Variants in CNBD1 observed in about 807,000 individuals in gnomAD.
CNBD1 encodes cyclic nucleotide binding domain containing 1.
A neutral mutation model predicts 54.4 loss-of-function variants in CNBD1; 71 were observed. The observed-to-expected ratio is 1.30, with a 90% CI of 1.08 to 1.59. The LOEUF (loss-of-function observed/expected upper bound fraction) is 1.59, where lower values mean the gene tolerates loss of function less well. Among genes scored for constraint, CNBD1 ranks in the 40% most tolerant of loss-of-function variants. The probability of loss-of-function intolerance (pLI) is 0.00; values close to 1 mark genes in which losing one functional copy is unlikely to be tolerated. For missense variants in CNBD1, 659 were observed against 518.0 expected (o/e 1.27, Z -2.64); for synonymous variants, 182 against 170.7 (o/e 1.07, Z -0.51).
At chr8:87,030,593 AT>A (rs1003843279) in intron 4 of CNBD1, among the ~76,000 whole-genome samples, 1 of 152,052 alleles carries the variant, frequency 6.6e-6, no homozygotes, top group Non-Finnish European at 1.5e-5. Flanking sequence ...ATCTTCTAAA[AT>A]TTTTTTAAAT....
chr8:87,328,808 AGCCT>A (rs1346467104), intron 8 of CNBD1, among the ~76,000 whole-genome samples: 2 of 152,076 alleles, frequency 1.3e-5, no homozygotes. Flanking sequence ...TCAGTGTGCA[AGCCT>A]TTCACTTTCA....
intron 4 of CNBD1, among the ~76,000 whole-genome samples, chr8:87,019,826 C>G (rs907066381): frequency 1.3e-5 from 2 of 151,948 alleles, no homozygotes; most frequent in African/African-American, 4.8e-5. Flanking sequence ...TGCAGTGAGC[C>G]GAGATTGCGC....
intron 8 of CNBD1, among the ~76,000 whole-genome samples, chr8:87,323,221 T>C (rs1809580356): frequency 8.7e-6 from 1 of 114,788 alleles, no homozygotes; most frequent in South Asian, 2.7e-4. Flanking sequence ...TGTAGTATAG[T>C]TTGAAGTCAG....
intron 5 of CNBD1, among the ~76,000 whole-genome samples, chr8:87,234,255 C>T (rs1563518079): frequency 6.6e-6 from 1 of 152,090 alleles, no homozygotes; most frequent in Non-Finnish European, 1.5e-5. Context: ...ATATTTTGAC[C>T]TCCTCTCATG....
chr8:87,422,414 G>A (rs1433740358), intron 2 of CNBD1, among the ~76,000 whole-genome samples: 12 of 148,886 alleles, frequency 8.1e-5, no homozygotes, highest in Middle Eastern at 3.5e-3. Flanking sequence ...TAGGTCTAAC[G>A]TTTAAGTCTT....
chr8:86,874,436 G>A (rs1241830163), intron 1 of CNBD1, among the ~76,000 whole-genome samples: 1 of 152,008 alleles, frequency 6.6e-6, no homozygotes, highest in Non-Finnish European at 1.5e-5. Flanking sequence ...ATCTCAGTTT[G>A]CCCCACTCTT....
chr8:87,325,043 C>T (rs1457895471), intron 8 of CNBD1, among the ~76,000 whole-genome samples: 2 of 100,040 alleles, frequency 2.0e-5, no homozygotes, highest in East Asian at 2.1e-4. Context: ...TTTATTTCTG[C>T]CTTCATTTCG....
chr8:86,916,708 T>A (rs886327205), intron 3 of CNBD1, among the ~76,000 whole-genome samples: 2 of 151,940 alleles, frequency 1.3e-5, no homozygotes, highest in Admixed American at 6.6e-5. Flanking sequence ...TATTTTATTT[T>A]TTATTTTTTT....
chr8:86,961,510 C>G (rs529344039), intron 4 of CNBD1, among the ~76,000 whole-genome samples: 5 of 152,208 alleles, frequency 3.3e-5, no homozygotes, highest in Non-Finnish European at 7.3e-5. Context: ...AGTATTGTAA[C>G]TGTGAGAGAA....
intron 2 of CNBD1, among the ~76,000 whole-genome samples, chr8:87,415,630 G>A (rs1807822458): frequency 6.6e-6 from 1 of 151,870 alleles, no homozygotes; most frequent in Admixed American, 6.6e-5. Flanking sequence ...CTACACACTG[G>A]TTAAGCTTTC....
chr8:87,229,614 A>G (rs971751276), intron 5 of CNBD1, among the ~76,000 whole-genome samples: 1 of 152,082 alleles, frequency 6.6e-6, no homozygotes, highest in Non-Finnish European at 1.5e-5. Flanking sequence ...GCTTTTGTAA[A>G]TTCAGTTTCA....
chr8:87,402,104 A>C (rs1302873908), intron 2 of CNBD1, among the ~76,000 whole-genome samples: 2 of 152,076 alleles, frequency 1.3e-5, no homozygotes, highest in South Asian at 2.1e-4. Context: ...GAATGAAGGC[A>C]CATCTTACAT....
chr8:87,384,539 C>T (rs949601346), downstream of CNBD1, among the ~76,000 whole-genome samples: 1 of 152,092 alleles, frequency 6.6e-6, no homozygotes, highest in African/African-American at 2.4e-5. Flanking sequence ...TTCAGTATTT[C>T]CTCCATGTAG....
intron 4 of CNBD1, among the ~76,000 whole-genome samples, chr8:87,122,265 G>T (rs560498004): frequency 6.6e-6 from 1 of 151,694 alleles, no homozygotes; most frequent in African/African-American, 2.4e-5. Flanking sequence ...TTCTAAAGGC[G>T]TGAGATAATA....
intron 3 of CNBD1, among the ~76,000 whole-genome samples, chr8:86,932,849 C>T (rs13257723): frequency 0.48 from 72,382 of 151,718 alleles, 18,280 homozygotes; most frequent in South Asian, 0.6. Context: ...TTTTCTTCCC[C>T]GCCCAATAAC....
chr8:87,357,806 G>T lies in CNBD1; in HGVS notation c.1303+4020G>T, dbSNP rs1810450186. The stretch of plus-strand genomic sequence containing the variant: ...GCCAGCAACAGAATGATATAGTTTG[G>T]ATGTCTGTCCCCTCCAAATCTCAGG... On this transcript the variant is annotated intron_variant, in intron 10 of 10. Coordinates refer to ENST00000518476, the MANE Select transcript of CNBD1 (RefSeq NM_173538.3). 2.6e-5 allele frequency among the ~76,000 whole-genome samples: 4 copies of T among 152,292 alleles called. No homozygotes were observed. The South Asian group carries it at 8.3e-4, about 32-fold the overall frequency.
At position 87,396,020 on chromosome 8, in the gene CNBD1, A is replaced by G. The variant is rs534211764; in HGVS notation, c.214-32526A>G. On this transcript the variant is annotated intron_variant, in intron 2 of 7. Coordinates refer to the CNBD1 transcript ENST00000521593. The stretch of plus-strand genomic sequence containing the variant: ...CCCAGCCCTGAAGAACTGTGAGTCA[A>G]TTAAACCTCATTCTTTTATAAATTA... Among the ~76,000 whole-genome samples the G allele has an allele frequency of 3.9e-5, 6 of 152,084 alleles. No individual in the cohort carries two copies. The South Asian group carries it at 1.2e-3, about 32-fold the overall frequency.
chr8:87,310,641 T>A (rs1023998913), intron 8 of CNBD1, among the ~76,000 whole-genome samples: 2 of 152,114 alleles, frequency 1.3e-5, no homozygotes, highest in African/African-American at 4.8e-5. Context: ...GATTCTAAAA[T>A]TTATGTGGAG....
At chr8:87,267,714 G>T (rs1174724084) in intron 6 of CNBD1, among the ~76,000 whole-genome samples, 7 of 152,202 alleles carry the variant, frequency 4.6e-5, no homozygotes, top group South Asian at 2.1e-4. Context: ...CATTAACATG[G>T]TTGCATATGC....
Sources: allele counts gnomAD v4.1 joint callset (sites outside exome capture counted in the v4.1 genomes callset), GRCh38; gene constraint gnomAD v4.1.1; transcripts MANE v1.5; gene names NCBI Gene and HGNC (gene_info 2026-07-23, HGNC 2026-07-21).